SEC24B: variants seen among roughly 807,000 people sequenced by gnomAD.
SEC24B encodes the protein SEC24 homolog B, COPII component.
A neutral mutation model predicts 142.8 loss-of-function variants in SEC24B; 45 were observed. The ratio of observed to expected loss-of-function variants is 0.32; its 90% CI spans 0.25 to 0.40. SEC24B has a LOEUF of 0.40. Among genes scored for constraint, SEC24B ranks in the 10% least tolerant of loss-of-function variants. The probability of loss-of-function intolerance (pLI) is 1.00; values close to 1 mark genes in which losing one functional copy is unlikely to be tolerated. For synonymous variants in SEC24B, 574 were observed against 568.2 expected, an observed-to-expected ratio of 1.01 and a Z score of -0.15; for missense variants, 1,409 against 1,526.8, an observed-to-expected ratio of 0.92 and a Z score of 1.29.
rs144530520 is a variant in SEC24B, at chr4:109,510,081, A to G, written c.1746A>G (p.Gly582=). Residue 582 remains glycine (G), a synonymous_variant, in exon 8 of 24, where the codon GGA becomes GGG. Coordinates refer to ENST00000265175, the MANE Select transcript of SEC24B (RefSeq NM_006323.5). Reference sequence around the variant, plus strand: ...TGAATAAAGCTAAGCTTCCTTTAGGATTGTTGTTACATCCCTTCAGAGACC... The same window carrying G: ...TGAATAAAGCTAAGCTTCCTTTAGGGTTGTTGTTACATCCCTTCAGAGACC... ...ALLNKAKLPL[G]LLLHPFRDLT... The G allele has an allele frequency of 1.2e-4, 191 of 1,608,846 alleles. 1 individual carries two copies. The East Asian group carries it at 4.0e-3, about 33-fold the overall frequency.
At position 109,513,728 on chromosome 4, in the gene SEC24B, ACTGGGACCT is replaced by A; in HGVS notation, c.1904-16_1904-8del. 7.2e-7 allele frequency: 1 copy of A among 1,392,130 alleles called. No homozygotes were observed. The highest frequency in any genetic ancestry group is 1.0e-6 in the Non-Finnish European group (1 of 978,194). 86.2% of individuals were successfully genotyped at this position (1,392,130 alleles called of 1,614,324 possible). A position where few individuals can be genotyped will look rare whatever the true frequency, so the allele number is the denominator to read the frequency against. ...TTACAAATTGTGTCTCTAAATTTGT[ACTGGGACCT>A]CTTATCTAGTTCCTGAAGAATTTAT... On this transcript the variant is annotated splice_polypyrimidine_tract_variant and intron_variant, in intron 9 of 23. Coordinates refer to ENST00000265175, the MANE Select transcript of SEC24B (RefSeq NM_006323.5).
At chr4:109,474,865 TAGA>T (rs1210296048) in intron 3 of SEC24B, among the ~76,000 whole-genome samples, 1 of 152,252 alleles carries the variant, frequency 6.6e-6, no homozygotes, top group African/African-American at 2.4e-5. Context: ...ATTTTGAAAG[TAGA>T]AGAAGCTGCC....
rs1310939118 is a variant in SEC24B at position 109,533,467 on chromosome 4, A to T, written c.3496-126A>T. ...CTTACATATAGATTCACAATGTAAC[A>T]ATTATAGATTTCCTTTTTACTCTTC... On this transcript the variant is annotated intron_variant, in intron 21 of 23. Transcript: ENST00000265175. The T allele has an allele frequency of 1.5e-5, 10 of 682,960 alleles. No individual in the cohort carries two copies. In the Admixed American group the frequency reaches 2.6e-4, roughly 18 times the overall value. 42.3% of individuals were successfully genotyped at this position (682,960 alleles called of 1,614,324 possible).
chr4:109,519,464 T>C (rs370900300), intron 11 of SEC24B, among the ~76,000 whole-genome samples: 353 of 152,308 alleles, frequency 2.3e-3, no homozygotes, highest in African/African-American at 8.0e-3. Context: ...TGGAAAGGGC[T>C]CTGGAAACTT....
chr4:109,504,908 C>T (rs1041985608), intron 6 of SEC24B, among the ~76,000 whole-genome samples: 13 of 152,048 alleles, frequency 8.5e-5, no homozygotes, highest in East Asian at 1.9e-4. Flanking sequence ...TGGAGTGCTC[C>T]GTAGCTGTAA....
At chr4:109,526,107 G>A in intron 16 of SEC24B, 119 bp from the exon 17 acceptor site, 1 of 923,672 alleles carries the variant, frequency 1.1e-6, no homozygotes, top group Non-Finnish European at 1.7e-6. Context: ...CTTGAACCTT[G>A]ACTCCCCAGT....
chr4:109,491,881 G>C (rs567063718), intron 5 of SEC24B, among the ~76,000 whole-genome samples: 1 of 152,100 alleles, frequency 6.6e-6, no homozygotes, highest in East Asian at 1.9e-4. Flanking sequence ...AACCATATCT[G>C]GAAATCACTT....
chr4:109,459,919 A>G (rs191121201), intron 1 of SEC24B, among the ~76,000 whole-genome samples: 54 of 152,280 alleles, frequency 3.5e-4, no homozygotes, highest in African/African-American at 1.2e-3. Context: ...ATCTTTTAAT[A>G]TATTTAAATA....
At chr4:109,465,549 C>T (rs1016148430) in intron 2 of SEC24B, among the ~76,000 whole-genome samples, 1 of 152,216 alleles carries the variant, frequency 6.6e-6, no homozygotes, top group Non-Finnish European at 1.5e-5. Flanking sequence ...GTTTTCCTCT[C>T]TCTTCTTTCA....
At chr4:109,516,080 C>T (rs1456364913) in intron 10 of SEC24B, among the ~76,000 whole-genome samples, 2 of 152,188 alleles carry the variant, frequency 1.3e-5, no homozygotes, top group East Asian at 1.9e-4. Flanking sequence ...AATACCATCA[C>T]AAGGACTTTC....
chr4:109,484,872 G>A (rs1419746900), intron 4 of SEC24B, among the ~76,000 whole-genome samples: 3 of 145,056 alleles, frequency 2.1e-5, no homozygotes, highest in Admixed American at 6.9e-5. Context: ...AAAAAAAAAA[G>A]ATTTAGCATT....
chr4:109,535,101 A>G (rs954121919), intron 22 of SEC24B, among the ~76,000 whole-genome samples: 1 of 152,210 alleles, frequency 6.6e-6, no homozygotes, highest in Non-Finnish European at 1.5e-5. Context: ...GCATAGTGCT[A>G]CTATGAATGC....
chr4:109,482,979 T>TACAC (rs1554001099), intron 4 of SEC24B, among the ~76,000 whole-genome samples: 546 of 26,300 alleles, frequency 0.021, 36 homozygotes, highest in East Asian at 0.046. Flanking sequence ...TATATATATA[T>TACAC]ACACACACAC....
At chr4:109,506,603 G>T (rs41277037) in intron 7 of SEC24B, 91 bp downstream of exon 7, 97,572 of 933,380 alleles carry the variant, frequency 0.1, 5,773 homozygotes, top group Middle Eastern at 0.14. Flanking sequence ...TATTTCTTCG[G>T]TTGGAAGTTT....
chr4:109,487,318 A>G (rs1457824142), intron 4 of SEC24B, among the ~76,000 whole-genome samples: 2 of 152,194 alleles, frequency 1.3e-5, no homozygotes, highest in South Asian at 2.1e-4. Flanking sequence ...ATGTGAAGAA[A>G]GGAAATTATG....
chr4:109,456,979 G>T (rs1730751992), intron 1 of SEC24B, among the ~76,000 whole-genome samples: 1 of 152,160 alleles, frequency 6.6e-6, no homozygotes, highest in South Asian at 2.1e-4. Flanking sequence ...AGTATTGCTT[G>T]GTGCCATTGC....
chr4:109,485,768 T>C (rs1027357481), intron 4 of SEC24B, among the ~76,000 whole-genome samples: 1 of 152,226 alleles, frequency 6.6e-6, no homozygotes, highest in African/African-American at 2.4e-5. Context: ...GAATTACATG[T>C]AAGTGTCTAA....
chr4:109,476,909 G>A (rs1224500527), intron 3 of SEC24B, among the ~76,000 whole-genome samples: 1 of 151,796 alleles, frequency 6.6e-6, no homozygotes, highest in Admixed American at 6.6e-5. Context: ...AGGCCGAGGC[G>A]GGCGGATCAC....
intron 2 of SEC24B, among the ~76,000 whole-genome samples, chr4:109,464,227 C>G (rs1302219987): frequency 3.9e-5 from 6 of 151,942 alleles, no homozygotes; most frequent in Non-Finnish European, 8.8e-5. Flanking sequence ...GCCCTTCTGA[C>G]CTTCCTAAAC....
Sources: allele counts gnomAD v4.1 joint callset (sites outside exome capture counted in the v4.1 genomes callset), GRCh38; gene constraint gnomAD v4.1.1; transcripts MANE v1.5; gene names NCBI Gene and HGNC (gene_info 2026-07-23, HGNC 2026-07-21).